Variants in SPAG1 observed in about 807,000 individuals in gnomAD.
SPAG1 encodes the protein sperm-associated antigen 1.
Under a neutral mutation model 100.5 loss-of-function variants are expected in SPAG1, and 69 were observed. The ratio of observed to expected loss-of-function variants is 0.69; its 90% CI spans 0.57 to 0.84. The LOEUF (loss-of-function observed/expected upper bound fraction) is 0.84, where lower values mean the gene tolerates loss of function less well. Among genes scored for constraint, SPAG1 ranks in the 40% least tolerant of loss-of-function variants. SPAG1 has a pLI of 0.00. For synonymous variants in SPAG1, 336 were observed against 411.6 expected, an observed-to-expected ratio of 0.82 and a Z score of 2.22; for missense variants, 955 against 1,133.1, an observed-to-expected ratio of 0.84 and a Z score of 2.26.
intron 4 of SPAG1, among the ~76,000 whole-genome samples, chr8:100,180,955 A>G (rs988876919): frequency 2.0e-5 from 3 of 152,216 alleles, no homozygotes; most frequent in African/African-American, 7.2e-5. Context: ...TATAACTCCA[A>G]TGACCAATAA....
intron 16 of SPAG1, among the ~76,000 whole-genome samples, chr8:100,236,226 C>T (rs370168103): frequency 6.6e-6 from 1 of 152,288 alleles, no homozygotes; most frequent in Admixed American, 6.5e-5. Context: ...TCCTATCCCA[C>T]TAGATTATGA....
At chr8:100,158,548 GA>G (rs1815166106), upstream of SPAG1, 2 of 152,294 alleles carry the variant, frequency 1.3e-5, no homozygotes, top group South Asian at 4.1e-4. Context: ...GTGGATGCAG[GA>G]AAGAGGGTGC....
rs1243945198 is a variant in SPAG1, at chr8:100,220,405, C to G, written c.1662C>G (p.Leu554=). The G allele has an allele frequency of 6.2e-7, 1 of 1,613,066 alleles. No individual in the cohort carries two copies. Among genetic ancestry groups the G allele is most frequent in the African/African-American group, 1.3e-5 (1 of 74,842 alleles). Residue 554 remains leucine, a synonymous_variant, in exon 13 of 19, where the codon CTC becomes CTG. Transcript: ENST00000388798. Reference sequence around the variant, plus strand: ...CAGTGTTGCAGATAGACTGTGGACTCCAGCTAGCAAATGACAGTGTTAACA... The same window carrying G: ...CAGTGTTGCAGATAGACTGTGGACTGCAGCTAGCAAATGACAGTGTTAACA... ...YKTVLQIDCG[L]QLANDSVNRL... is the part of the protein sequence containing the mutation.
chr8:100,202,354 C>CA (rs1172438957), intron 10 of SPAG1, among the ~76,000 whole-genome samples: 1 of 147,504 alleles, frequency 6.8e-6, no homozygotes, highest in Admixed American at 6.7e-5. Flanking sequence ...AAAAAAAAAA[C>CA]AAAAAACAAA....
chr8:100,240,305 T>G, intron 17 of SPAG1, 98 bp from the exon 18 acceptor site: 1 of 1,175,034 alleles, frequency 8.5e-7, no homozygotes, highest in Non-Finnish European at 1.2e-6. Flanking sequence ...CAGTACAGTC[T>G]ACTTGTAGTT....
intron 15 of SPAG1, among the ~76,000 whole-genome samples, chr8:100,232,470 A>G (rs1435842970): frequency 6.6e-6 from 1 of 151,928 alleles, no homozygotes; most frequent in African/African-American, 2.4e-5. Context: ...AGCGCTCCCC[A>G]TCTCTTCTGC....
chr8:100,184,134 AAG>A (rs1816488118), intron 6 of SPAG1, 72 bp downstream of exon 6: 3 of 671,944 alleles, frequency 4.5e-6, no homozygotes, highest in Non-Finnish European at 7.3e-6. Flanking sequence ...GTCAATCTAG[AAG>A]ACATTGTCTT....
Position 100,184,611 on chromosome 8 carries a change from A to G in SPAG1, c.596-17A>G, listed in dbSNP as rs1302766927. 7.1e-7 allele frequency: 1 copy of G among 1,403,516 alleles called. No homozygotes were observed. The highest frequency in any genetic ancestry group is 9.7e-7 in the Non-Finnish European group (1 of 1,026,648). 86.9% of individuals were successfully genotyped at this position (1,403,516 alleles called of 1,614,324 possible). A position where few individuals can be genotyped will look rare whatever the true frequency, so the allele number is the denominator to read the frequency against. On this transcript the variant is annotated splice_polypyrimidine_tract_variant and intron_variant, in intron 6 of 18. Coordinates refer to ENST00000388798, the MANE Select transcript of SPAG1 (RefSeq NM_003114.5). ...TAAATTATACGTTTACATATAGCAG[A>G]TAACATTTATTTCTAGGTCTAACTG...
chr8:100,181,521 A>G (rs958576672), intron 4 of SPAG1, among the ~76,000 whole-genome samples: 1 of 152,222 alleles, frequency 6.6e-6, no homozygotes, highest in Non-Finnish European at 1.5e-5. Context: ...AACAACAGAA[A>G]TGTATTCTTT....
At chr8:100,179,317 A>G (rs1816266962) in intron 4 of SPAG1, among the ~76,000 whole-genome samples, 1 of 152,180 alleles carries the variant, frequency 6.6e-6, no homozygotes, top group African/African-American at 2.4e-5. Flanking sequence ...TGGGAGGCAG[A>G]GGTTGCAGTG....
chr8:100,164,832 T>A (rs1202636512), intron 2 of SPAG1, among the ~76,000 whole-genome samples: 6 of 152,252 alleles, frequency 3.9e-5, no homozygotes, highest in African/African-American at 1.2e-4. Context: ...CCAGATGCTA[T>A]CAAGCAAATT....
rs755946083 is a variant in SPAG1 at position 100,220,271 on chromosome 8, T to G, written c.1536-8T>G. On this transcript the variant is annotated splice_region_variant and splice_polypyrimidine_tract_variant and intron_variant, in intron 12 of 18. Transcript: ENST00000388798. ...ACAAATGGTATGTAATATTTTTGTCTTCTTTAGGGCTCTGGAACTTCATCC... is the reference window on the plus strand; with the variant it reads ...ACAAATGGTATGTAATATTTTTGTCGTCTTTAGGGCTCTGGAACTTCATCC... 4 of 1,598,896 alleles carry G rather than the reference T, an allele frequency of 2.5e-6. No homozygotes were observed. Among genetic ancestry groups the G allele is most frequent in the Non-Finnish European group, 3.4e-6 (4 of 1,176,032 alleles).
intron 1 of SPAG1, among the ~76,000 whole-genome samples, 160 bp from the exon 2 acceptor site, chr8:100,162,119 A>G (rs1238592771): frequency 6.6e-6 from 1 of 152,212 alleles, no homozygotes; most frequent in East Asian, 1.9e-4. Flanking sequence ...GCTTGAGGCC[A>G]GAAGTTAGAG....
At chr8:100,190,831 A>AT (rs900878327) in intron 8 of SPAG1, among the ~76,000 whole-genome samples, 52 of 147,674 alleles carry the variant, frequency 3.5e-4, no homozygotes, top group Middle Eastern at 6.9e-3. Context: ...TGCCAAGCTA[A>AT]TTTTTTTTTT....
chr8:100,226,576 T>A (rs1170348418), intron 14 of SPAG1, among the ~76,000 whole-genome samples: 3 of 151,914 alleles, frequency 2.0e-5, no homozygotes, highest in African/African-American at 7.3e-5. Context: ...TGGTGGTGCA[T>A]GCCTATAGTC....
chr8:100,187,610 T>G (rs1343143751), intron 8 of SPAG1, among the ~76,000 whole-genome samples: 3 of 152,048 alleles, frequency 2.0e-5, no homozygotes, highest in Non-Finnish European at 4.4e-5. Flanking sequence ...GTGAGACGAT[T>G]GCTTGAGTCT....
intron 4 of SPAG1, among the ~76,000 whole-genome samples, chr8:100,179,112 G>C (rs957525854): frequency 3.2e-4 from 48 of 151,244 alleles, no homozygotes; most frequent in African/African-American, 1.2e-3. Flanking sequence ...TCTGGGCATG[G>C]TGGCTCACAC....
intron 8 of SPAG1, among the ~76,000 whole-genome samples, chr8:100,187,553 AGGCACAGT>A (rs1164491143): frequency 6.6e-6 from 1 of 152,114 alleles, no homozygotes; most frequent in Non-Finnish European, 1.5e-5. Flanking sequence ...TATCTTGGCC[AGGCACAGT>A]GGCTCACACC....
intron 4 of SPAG1, among the ~76,000 whole-genome samples, chr8:100,181,555 C>T (rs906172813): frequency 1.3e-5 from 2 of 152,220 alleles, no homozygotes; most frequent in Admixed American, 1.3e-4. Context: ...GCTAGAAGTA[C>T]ACAATCAAGG....
Sources: allele counts gnomAD v4.1 joint callset (sites outside exome capture counted in the v4.1 genomes callset), GRCh38; gene constraint gnomAD v4.1.1; transcripts MANE v1.5; gene names NCBI Gene and HGNC (gene_info 2026-07-23, HGNC 2026-07-21).